SV2C: variants seen among roughly 807,000 people sequenced by gnomAD.
SV2C encodes solute carrier family 22 member B3.
A neutral mutation model predicts 79.7 loss-of-function variants in SV2C; 49 were observed. The observed-to-expected ratio is 0.61, with a 90% CI of 0.49 to 0.78. SV2C has a LOEUF of 0.78. Ranked by LOEUF, SV2C falls within the 30% of genes least tolerant of loss-of-function variation. SV2C has a pLI of 0.00. For missense variants in SV2C, 833 were observed against 912.9 expected (o/e 0.91, Z 1.13); for synonymous variants, 334 against 333.2 (o/e 1.00, Z -0.03).
intron 2 of SV2C, among the ~76,000 whole-genome samples, chr5:76,140,394 A>G (rs772647127): frequency 1.3e-5 from 2 of 152,170 alleles, no homozygotes; most frequent in Non-Finnish European, 2.9e-5. Context: ...GATAGATATG[A>G]CCTGAAACCC....
chr5:75,933,261 C>T, the SV2C span, among the ~76,000 whole-genome samples: 2 of 152,086 alleles, frequency 1.3e-5, no homozygotes, highest in African/African-American at 4.8e-5. Context: ...CTATTTTTTT[C>T]TTCATAGTAC....
intron 2 of SV2C, among the ~76,000 whole-genome samples, chr5:76,186,521 A>G (rs567810739): frequency 6.6e-5 from 10 of 152,214 alleles, no homozygotes; most frequent in African/African-American, 1.9e-4. Context: ...GTGAAACCCC[A>G]TCTCTACTAA....
chr5:75,921,412 C>G, the SV2C span: 1 of 809,904 alleles, frequency 1.2e-6, no homozygotes, highest in Non-Finnish European at 2.2e-6. Context: ...CTTGGGGAAG[C>G]TCATATTGCG....
At chr5:76,038,700 T>C in the SV2C span, among the ~76,000 whole-genome samples, 2 of 152,226 alleles carry the variant, frequency 1.3e-5, no homozygotes, top group African/African-American at 2.4e-5. Context: ...ATGTTCTCAA[T>C]ATACCCTGAG....
chr5:75,956,741 G>A, the SV2C span, among the ~76,000 whole-genome samples: 2 of 151,896 alleles, frequency 1.3e-5, no homozygotes, highest in African/African-American at 4.8e-5. Flanking sequence ...TGATATTCAT[G>A]TGGATGTCCT....
At chr5:76,217,319 A>G (rs1744931840) in intron 4 of SV2C, among the ~76,000 whole-genome samples, 1 of 152,236 alleles carries the variant, frequency 6.6e-6, no homozygotes, top group Admixed American at 6.5e-5. Flanking sequence ...GGCAATAGCT[A>G]TCTAATTGAA....
chr5:75,941,044 T>G, the SV2C span, among the ~76,000 whole-genome samples: 15 of 152,216 alleles, frequency 9.9e-5, no homozygotes, highest in Non-Finnish European at 2.1e-4. Context: ...AAGAGCTCAA[T>G]GGCTTTTTCT....
chr5:75,927,877 C>A, the SV2C span, among the ~76,000 whole-genome samples: 1 of 152,084 alleles, frequency 6.6e-6, no homozygotes, highest in Non-Finnish European at 1.5e-5. Flanking sequence ...GGTGAGAGAG[C>A]AAGGGAAGGA....
chr5:76,174,977 C>G (rs1215238787), intron 2 of SV2C, among the ~76,000 whole-genome samples: 1 of 152,200 alleles, frequency 6.6e-6, no homozygotes, highest in Non-Finnish European at 1.5e-5. Context: ...TGCTGGCACC[C>G]GTGAGCCTGG....
the SV2C span, among the ~76,000 whole-genome samples, chr5:75,948,720 G>T: frequency 6.6e-6 from 1 of 151,928 alleles, no homozygotes; most frequent in Admixed American, 6.6e-5. Flanking sequence ...AAATATAAAA[G>T]CCCTGAGTAT....
At chr5:76,352,279 T>C (rs1426585588) in intron 12 of SV2C, among the ~76,000 whole-genome samples, 1 of 151,946 alleles carries the variant, frequency 6.6e-6, no homozygotes, top group Non-Finnish European at 1.5e-5. Context: ...AAAGTAAAGA[T>C]TAATTATGAA....
At chr5:76,275,505 CACAA>C (rs1191681853) in intron 4 of SV2C, among the ~76,000 whole-genome samples, 6 of 149,064 alleles carry the variant, frequency 4.0e-5, no homozygotes, top group Admixed American at 6.7e-5. Flanking sequence ...AAAAAACGAA[CACAA>C]ACAAAAACAA....
intron 12 of SV2C, 82 bp downstream of exon 12, chr5:76,301,627 G>T: frequency 1.3e-6 from 2 of 1,492,384 alleles, no homozygotes; most frequent in Non-Finnish European, 9.1e-7. Flanking sequence ...AACCCAAACT[G>T]GCTGGGCACG....
the SV2C span, among the ~76,000 whole-genome samples, chr5:76,021,189 T>C: frequency 6.6e-6 from 1 of 152,194 alleles, no homozygotes; most frequent in African/African-American, 2.4e-5. Flanking sequence ...ATTAATCAGA[T>C]TGCTTTTTCT....
At chr5:76,221,940 G>T (rs1300043059) in intron 4 of SV2C, among the ~76,000 whole-genome samples, 1 of 152,088 alleles carries the variant, frequency 6.6e-6, no homozygotes, top group African/African-American at 2.4e-5. Flanking sequence ...TTGATGTTGG[G>T]GTTTGTCCTG....
chr5:75,957,753 T>C, the SV2C span, among the ~76,000 whole-genome samples: 3 of 152,034 alleles, frequency 2.0e-5, no homozygotes, highest in African/African-American at 4.8e-5. Context: ...CCTACAAATA[T>C]TTTAAAAGTC....
chr5:76,139,504 G>C (rs116487605), intron 2 of SV2C, among the ~76,000 whole-genome samples: 2 of 152,116 alleles, frequency 1.3e-5, no homozygotes, highest in African/African-American at 4.8e-5. Flanking sequence ...CTGGCATTCT[G>C]TTTTTTTCTA....
chr5:75,940,386 CAAAAAA>C, the SV2C span, among the ~76,000 whole-genome samples: 2,665 of 145,488 alleles, frequency 0.018, 91 homozygotes, highest in African/African-American at 0.06. Flanking sequence ...GACTCTGTCT[CAAAAAA>C]AAAAGAAAAA....
At chr5:75,901,666 C>G in the SV2C span, among the ~76,000 whole-genome samples, 2,737 of 152,340 alleles carry the variant, frequency 0.018, 37 homozygotes, top group African/African-American at 0.044. Flanking sequence ...CTGTCTTTTT[C>G]TTTGTCTGTG....
Sources: gnomAD v4.1 joint callset for allele counts (sites outside exome capture counted in the v4.1 genomes callset) on GRCh38, gnomAD v4.1.1 for gene constraint, MANE v1.5 for transcripts, NCBI Gene and HGNC (gene_info 2026-07-23, HGNC 2026-07-21) for gene names.